The following ERCC6 variants were observed in gnomAD, a reference collection of about 807,000 sequenced individuals.
ERCC6 encodes DNA excision repair protein ERCC-6.
Under a neutral mutation model 158.7 loss-of-function variants are expected in ERCC6, and 116 were observed. The ratio of observed to expected loss-of-function variants is 0.73; its 90% confidence interval spans 0.63 to 0.85. The LOEUF is 0.85. Among genes scored for constraint, ERCC6 ranks in the 40% least tolerant of loss-of-function variants. The pLI, the probability that ERCC6 is intolerant of heterozygous loss-of-function variation, is 0.00. For missense variants in ERCC6, 1,698 were observed against 1,799.4 expected, an observed-to-expected ratio of 0.94 and a Z score of 1.02; for synonymous variants, 678 against 659.3, an observed-to-expected ratio of 1.03 and a Z score of -0.43.
intron 1 of ERCC6, among the ~76,000 whole-genome samples, chr10:49,533,565 G>A (rs1030437047): frequency 3.3e-5 from 5 of 151,984 alleles, no homozygotes; most frequent in South Asian, 2.1e-4. Flanking sequence ...GGAGGATAGA[G>A]ACCAGCCAGG....
intron 5 of ERCC6, chr10:49,515,098 TA>T: frequency 1.1e-6 from 1 of 941,242 alleles, no homozygotes; most frequent in Non-Finnish European, 1.4e-6. Context: ...ATGTGCTCTC[TA>T]AGAAAACATC....
intron 19 of ERCC6, among the ~76,000 whole-genome samples, 196 bp from the exon 20 acceptor site, chr10:49,460,647 G>A (rs547335773): frequency 6.6e-6 from 1 of 152,158 alleles, no homozygotes; most frequent in South Asian, 2.1e-4. Flanking sequence ...CTGGCTGGGC[G>A]CAGTGGCTCA....
intron 5 of ERCC6, among the ~76,000 whole-genome samples, chr10:49,507,686 C>T (rs117121642): frequency 1.3e-5 from 2 of 152,278 alleles, no homozygotes; most frequent in Non-Finnish European, 2.9e-5. Flanking sequence ...CTGGGGTAAT[C>T]TGACAATGCC....
chr10:49,443,638 C>T, the ERCC6 span, among the ~76,000 whole-genome samples: 1 of 152,232 alleles, frequency 6.6e-6, no homozygotes, highest in Non-Finnish European at 1.5e-5. Context: ...CCTCCAAGCT[C>T]CAGTCAGAAG....
intron 18 of ERCC6, among the ~76,000 whole-genome samples, chr10:49,466,862 C>T (rs1850685020): frequency 6.6e-6 from 1 of 151,514 alleles, no homozygotes; most frequent in African/African-American, 2.4e-5. Context: ...TCTCGGCTCA[C>T]TGCAACCTCC....
intron 4 of ERCC6, among the ~76,000 whole-genome samples, chr10:49,527,715 C>A (rs1265962079): frequency 6.6e-6 from 1 of 152,178 alleles, no homozygotes; most frequent in Non-Finnish European, 1.5e-5. Flanking sequence ...TCAATTAATT[C>A]TTCATAACAA....
At chr10:49,483,786 T>C (rs1336755020) in intron 8 of ERCC6, among the ~76,000 whole-genome samples, 1 of 151,374 alleles carries the variant, frequency 6.6e-6, no homozygotes, top group Non-Finnish European at 1.5e-5. Context: ...TAAATTATTA[T>C]TTTTATTTTT....
chr10:49,536,550 T>C (rs1314559732), intron 1 of ERCC6, among the ~76,000 whole-genome samples: 3 of 152,050 alleles, frequency 2.0e-5, no homozygotes, highest in African/African-American at 2.4e-5. Flanking sequence ...AAGCAGCAAG[T>C]TGGGCAGTTC....
chr10:49,501,541 A>G (rs1851354856), intron 6 of ERCC6: 1 of 152,190 alleles, frequency 6.6e-6, no homozygotes, highest in South Asian at 2.1e-4. Context: ...ACCTAAAAAT[A>G]AAGTTAAAAA....
chr10:49,489,804 G>A (rs550399471), intron 8 of ERCC6, among the ~76,000 whole-genome samples: 2 of 152,242 alleles, frequency 1.3e-5, no homozygotes, highest in Non-Finnish European at 2.9e-5. Flanking sequence ...ACCACCTACT[G>A]TGAGTTATGG....
downstream of ERCC6, among the ~76,000 whole-genome samples, chr10:49,449,560 C>CTTTTTTTTTTTT (rs71026248): frequency 1.5e-5 from 1 of 68,024 alleles, no homozygotes; most frequent in African/African-American, 6.2e-5. Flanking sequence ...ATAGTTAGGT[C>CTTTTTTTTTTTT]TTTTTTTTTT....
intron 4 of ERCC6, among the ~76,000 whole-genome samples, 180 bp downstream of exon 4, chr10:49,528,237 T>A (rs1386103963): frequency 6.6e-6 from 1 of 152,264 alleles, no homozygotes; most frequent in Non-Finnish European, 1.5e-5. Flanking sequence ...TAATTCTCTT[T>A]GAGAGGGATT....
chr10:49,520,484 G>A (rs1254464655), intron 5 of ERCC6, among the ~76,000 whole-genome samples: 1 of 152,182 alleles, frequency 6.6e-6, no homozygotes, highest in African/African-American at 2.4e-5. Context: ...AAACATATCT[G>A]GAAATGCATT....
chr10:49,502,448 C>T (rs1851371589), intron 6 of ERCC6: 1 of 152,124 alleles, frequency 6.6e-6, no homozygotes, highest in African/African-American at 2.4e-5. Context: ...TAATGGCTAC[C>T]ACTTAAGGAA....
intron 6 of ERCC6, chr10:49,502,328 T>G (rs563734337): frequency 2.5e-4 from 38 of 152,248 alleles, no homozygotes; most frequent in African/African-American, 8.7e-4. Flanking sequence ...ATATGCACCT[T>G]GGAGAAAAGA....
intron 6 of ERCC6, 128 bp downstream of exon 6, chr10:49,505,754 ATC>A: frequency 1.0e-6 from 1 of 1,003,114 alleles, no homozygotes; most frequent in Admixed American, 2.2e-5. Flanking sequence ...ATTTGACAGT[ATC>A]TGTTTTTGCA....
chr10:49,536,483 A>G (rs999744914), intron 1 of ERCC6, among the ~76,000 whole-genome samples: 1 of 152,202 alleles, frequency 6.6e-6, no homozygotes, highest in African/African-American at 2.4e-5. Context: ...TGATAGATCT[A>G]AATTTGCAGG....
In ERCC6 at chr10:49,472,927, G is replaced by A. The variant is rs761262528; in HGVS notation, c.2811C>T (p.Asn937=). 4 of 1,614,040 alleles carry A rather than the reference G, an allele frequency of 2.5e-6. No individual in the cohort carries two copies. Among genetic ancestry groups the A allele is most frequent in the South Asian group, 2.2e-5 (2 of 91,062 alleles). The change falls in exon 15 of 21, where the codon AAC becomes AAT. Residue 937 remains asparagine (N), a synonymous_variant. Transcript: ENST00000355832. ...AACAAACCTGCGTGTCCGTGCTTGG[G>A]TTCCAGTCTGGGTCATAGATGACAA... is the stretch of plus-strand genomic sequence containing the variant. ...NRVVIYDPDW[N]PSTDTQARER...
At chr10:49,480,332 C>G (rs1239946233) in intron 10 of ERCC6, among the ~76,000 whole-genome samples, 2 of 152,290 alleles carry the variant, frequency 1.3e-5, no homozygotes, top group East Asian at 1.9e-4. Flanking sequence ...CTGTGCCCAC[C>G]CCTACTGGAC....
Sources: gnomAD v4.1 joint callset for allele counts (sites outside exome capture counted in the v4.1 genomes callset) on GRCh38, gnomAD v4.1.1 for gene constraint, MANE v1.5 for transcripts, NCBI Gene and HGNC (gene_info 2026-07-23, HGNC 2026-07-21) for gene names.